Variants in PCDH15 observed in about 807,000 individuals in gnomAD.
The protein encoded by PCDH15 is protocadherin related 15.
In PCDH15, 129 loss-of-function variants were observed where a neutral mutation model predicts 178.5. That is an observed-to-expected ratio of 0.72 (90% confidence interval 0.63 to 0.84). PCDH15 has a LOEUF of 0.84. Among genes scored for constraint, PCDH15 ranks in the 40% least tolerant of loss-of-function variants. The pLI is 0.00. For missense variants in PCDH15, 2,230 were observed against 2,099.9 expected (o/e 1.06, Z -1.21); for synonymous variants, 800 against 732.0 (o/e 1.09, Z -1.50).
intron 37 of PCDH15, chr10:53,808,538 T>C: frequency 4.9e-6 from 7 of 1,438,122 alleles, no homozygotes; most frequent in Non-Finnish European, 6.4e-6. Flanking sequence ...TTGGACAACA[T>C]ATATATTCAC....
At position 53,806,188 on chromosome 10, in the gene PCDH15, C is replaced by T. The variant is rs561706833; in HGVS notation, c.*391G>A. 5.7e-6 allele frequency: 1 copy of T among 175,402 alleles called. No individual in the cohort carries two copies. The highest frequency in any genetic ancestry group is 2.4e-5 in the African/African-American group (1 of 41,690). The allele number at this position is 175,402 out of a possible 1,614,324, so 10.9% of individuals were successfully genotyped here. A position where few individuals can be genotyped will look rare whatever the true frequency, so the allele number is the denominator to read the frequency against. On this transcript the variant is annotated 3_prime_UTR_variant, in exon 38 of 38. Transcript: ENST00000644397. ...TCTTACTTCTTTTTTGCCCTTTTGG[C>T]TATGGAAAATAAAATTACATGTACT...
rs182564248 is a variant in PCDH15 at position 55,533,786 on chromosome 10, C to T, written c.-156+93839G>A. The stretch of plus-strand genomic sequence containing the variant: ...CATGAATAGTCAAAGCAATTCTAAG[C>T]AAATAGAACAAAGCTGGAGGCACCA... On this transcript the variant is annotated intron_variant, in intron 2 of 5. Transcript: ENST00000613346. Among the ~76,000 whole-genome samples the T allele has an allele frequency of 2.9e-3, 437 of 151,956 alleles. 1 individual carries two copies. Among genetic ancestry groups the T allele is most frequent in the African/African-American group, 0.01 (425 of 41,492 alleles).
At chr10:54,473,461 T>G (rs2078059036) in intron 3 of PCDH15, among the ~76,000 whole-genome samples, 1 of 152,112 alleles carries the variant, frequency 6.6e-6, no homozygotes, top group African/African-American at 2.4e-5. Flanking sequence ...GAATGAATTT[T>G]CTCGTCTGTC....
At chr10:54,979,833 T>C (rs1404757222) in intron 2 of PCDH15, among the ~76,000 whole-genome samples, 1 of 152,038 alleles carries the variant, frequency 6.6e-6, no homozygotes, top group Non-Finnish European at 1.5e-5. Context: ...ATACAATATG[T>C]GTAACATATT....
intron 8 of PCDH15, among the ~76,000 whole-genome samples, chr10:54,250,091 G>A (rs1356199751): frequency 4.1e-4 from 49 of 118,376 alleles, no homozygotes; most frequent in African/African-American, 1.9e-3. Flanking sequence ...TTTTTTTTTT[G>A]TATTATTGGT....
At chr10:55,376,029 T>C (rs1837388432) in intron 2 of PCDH15, among the ~76,000 whole-genome samples, 3 of 152,030 alleles carry the variant, frequency 2.0e-5, no homozygotes, top group Admixed American at 1.3e-4. Flanking sequence ...TCACACTAGA[T>C]CATAACTTTT....
rs182725646 is a variant in PCDH15, at chr10:55,596,873, G to A, written c.-156+30752C>T. 1.2e-4 allele frequency among the ~76,000 whole-genome samples: 18 copies of A among 152,134 alleles called. No individual in the cohort carries two copies. The East Asian group carries it at 3.5e-3, about 29-fold the overall frequency. ...ATACAGGTTTTTGAGGATTTAGTTT[G>A]TACAGCAAAAACAGAGGCAATAAAG... On this transcript the variant is annotated intron_variant, in intron 2 of 5. Transcript: ENST00000613346.
chr10:55,245,017 C>T (rs1014355659), intron 1 of PCDH15, among the ~76,000 whole-genome samples: 12 of 151,924 alleles, frequency 7.9e-5, no homozygotes, highest in South Asian at 2.1e-4. Context: ...TGAACCATTG[C>T]TATCTTTGAA....
chr10:54,921,982 A>T (rs1564631989), intron 2 of PCDH15, among the ~76,000 whole-genome samples: 1 of 152,176 alleles, frequency 6.6e-6, no homozygotes, highest in Non-Finnish European at 1.5e-5. Context: ...AGATCTTGTG[A>T]AAACTCACTC....
intron 1 of PCDH15, among the ~76,000 whole-genome samples, chr10:54,776,303 T>C (rs1399178318): frequency 2.6e-5 from 4 of 152,182 alleles, no homozygotes; most frequent in African/African-American, 9.7e-5. Flanking sequence ...GTGAGATTAC[T>C]GGTATGATCA....
intron 37 of PCDH15, chr10:53,808,566 GATC>G: frequency 1.4e-6 from 2 of 1,452,988 alleles, no homozygotes; most frequent in South Asian, 2.9e-5. Context: ...GCATGCTTCT[GATC>G]ATAAGTCATA....
Position 54,226,488 on chromosome 10 carries a change from CAGG to C in PCDH15, c.985+10332_985+10334del, listed in dbSNP as rs2053463714. Among the ~76,000 whole-genome samples the C allele has an allele frequency of 5.3e-5, 8 of 152,292 alleles. No individual in the cohort carries two copies. The South Asian group carries it at 1.7e-3, about 32-fold the overall frequency. On this transcript the variant is annotated intron_variant, in intron 9 of 37. Coordinates refer to ENST00000644397, the MANE Select transcript of PCDH15 (RefSeq NM_001384140.1). Reference sequence around the variant, plus strand: ...GCTGAGGCAGGCAGATCACCTGTGTCAGGAGTTCGAGACCAGCATGCATAGCAT... The same window carrying C: ...GCTGAGGCAGGCAGATCACCTGTGTCAGTTCGAGACCAGCATGCATAGCAT...
chr10:53,889,938 G>A (rs938391857), intron 26 of PCDH15, among the ~76,000 whole-genome samples: 4 of 152,138 alleles, frequency 2.6e-5, no homozygotes, highest in African/African-American at 7.2e-5. Context: ...CAAATTTATG[G>A]TTGGAAGTCA....
chr10:55,473,127 G>C (rs1839997542), intron 2 of PCDH15, among the ~76,000 whole-genome samples: 1 of 152,126 alleles, frequency 6.6e-6, no homozygotes, highest in South Asian at 2.1e-4. Context: ...CTTAACAGTT[G>C]AGGACTGTTT....
intron 13 of PCDH15, among the ~76,000 whole-genome samples, chr10:54,168,126 A>G (rs1424265357): frequency 2.0e-5 from 3 of 150,896 alleles, no homozygotes; most frequent in Non-Finnish European, 4.4e-5. Flanking sequence ...TTCTTCTGCA[A>G]TGCCGCTTGA....
chr10:54,397,129 C>A (rs1951331055), intron 3 of PCDH15, among the ~76,000 whole-genome samples: 1 of 151,962 alleles, frequency 6.6e-6, no homozygotes, highest in South Asian at 2.1e-4. Context: ...CATGTCCTGA[C>A]CTTTATTTTC....
chr10:54,438,283 T>A (rs1183507891), intron 3 of PCDH15, among the ~76,000 whole-genome samples: 1 of 150,816 alleles, frequency 6.6e-6, no homozygotes, highest in Non-Finnish European at 1.5e-5. Flanking sequence ...TTTTTTTTTT[T>A]TTTTTTTTAA....
chr10:55,182,339 A>C (rs992645933), intron 1 of PCDH15, among the ~76,000 whole-genome samples: 16 of 151,964 alleles, frequency 1.1e-4, no homozygotes, highest in African/African-American at 3.9e-4. Flanking sequence ...TACCATTAAT[A>C]CACAGACTTT....
chr10:54,166,047 A>G (rs1179012437), intron 13 of PCDH15, among the ~76,000 whole-genome samples: 1 of 152,344 alleles, frequency 6.6e-6, no homozygotes, highest in East Asian at 1.9e-4. Context: ...TTAGTAAAAG[A>G]AAAGCAAATC....
Sources: allele counts gnomAD v4.1 joint callset (sites outside exome capture counted in the v4.1 genomes callset), GRCh38; gene constraint gnomAD v4.1.1; transcripts MANE v1.5; gene names NCBI Gene and HGNC (gene_info 2026-07-23, HGNC 2026-07-21).